PRIMA1: variants seen among roughly 807,000 people sequenced by gnomAD.
The protein encoded by PRIMA1 is proline-rich membrane anchor 1.
A neutral mutation model predicts 17.5 loss-of-function variants in PRIMA1; 7 were observed. The ratio of observed to expected loss-of-function variants is 0.40; its 90% CI spans 0.23 to 0.75. The LOEUF (loss-of-function observed/expected upper bound fraction) is 0.75, where lower values mean the gene tolerates loss of function less well. Among genes scored for constraint, PRIMA1 ranks in the 30% least tolerant of loss-of-function variants. The probability of loss-of-function intolerance (pLI) is 0.37; values close to 1 mark genes in which losing one functional copy is unlikely to be tolerated. For synonymous variants in PRIMA1, 97 were observed against 77.9 expected, an observed-to-expected ratio of 1.25 and a Z score of -1.29; for missense variants, 200 against 201.8, an observed-to-expected ratio of 0.99 and a Z score of 0.05.
At chr14:93,788,011 T>C (rs1339358742) in intron 1 of PRIMA1, among the ~76,000 whole-genome samples, 1 of 152,152 alleles carries the variant, frequency 6.6e-6, no homozygotes, top group Non-Finnish European at 1.5e-5. Flanking sequence ...ACTGCGTGCA[T>C]ACCTTGGCCC....
intron 3 of PRIMA1, among the ~76,000 whole-genome samples, chr14:93,771,325 G>A (rs1885061563): frequency 6.6e-6 from 1 of 152,170 alleles, no homozygotes; most frequent in Non-Finnish European, 1.5e-5. Context: ...GATGCTGGGT[G>A]ACTTCTTCAA....
chr14:93,728,027 C>T (rs1301049284), intron 4 of PRIMA1, among the ~76,000 whole-genome samples: 2 of 152,162 alleles, frequency 1.3e-5, no homozygotes, highest in Non-Finnish European at 2.9e-5. Context: ...TTCGGGGGCT[C>T]CTGAAGCAAA....
rs1336982540 is a variant in PRIMA1 at position 93,737,294 on chromosome 14, G to A, written c.306C>T (p.Ala102=). The A allele has an allele frequency of 2.5e-6, 4 of 1,614,190 alleles. No homozygotes were observed. The South Asian group carries it at 3.3e-5, about 13-fold the overall frequency. Residue 102 remains alanine, a synonymous_variant, in exon 4 of 5, where the codon GCC becomes GCT. Coordinates refer to ENST00000393140, the MANE Select transcript of PRIMA1 (RefSeq NM_178013.4). Reference sequence around the variant, plus strand: ...CAAGCACAGTCAGAAACACCAGGGAGGCACAGCATACGGCAATGATGATCA... The same window carrying A: ...CAAGCACAGTCAGAAACACCAGGGAAGCACAGCATACGGCAATGATGATCA... The part of the protein sequence containing the change: ...GLVIIIAVCC[A]SLVFLTVLVI...
chr14:93,758,983 G>A (rs912004527), intron 3 of PRIMA1, among the ~76,000 whole-genome samples: 1 of 152,142 alleles, frequency 6.6e-6, no homozygotes, highest in African/African-American at 2.4e-5. Context: ...GGTAGTAGGT[G>A]TTCAGTAAAT....
intron 3 of PRIMA1, among the ~76,000 whole-genome samples, chr14:93,741,426 C>T (rs558286354): frequency 1.3e-5 from 2 of 152,298 alleles, no homozygotes; most frequent in South Asian, 4.1e-4. Context: ...AGACAGCTTA[C>T]ATGTGTACAG....
intron 2 of PRIMA1, among the ~76,000 whole-genome samples, chr14:93,785,030 A>C (rs1277405662): frequency 6.6e-6 from 1 of 152,108 alleles, no homozygotes; most frequent in African/African-American, 2.4e-5. Flanking sequence ...ATAAGGCCAG[A>C]TAAGAGGCTG....
At chr14:93,737,006 C>T (rs375381960) in intron 4 of PRIMA1, among the ~76,000 whole-genome samples, 2 of 151,976 alleles carry the variant, frequency 1.3e-5, no homozygotes, top group East Asian at 1.9e-4. Context: ...TAAAATATTT[C>T]GGCAATGAAA....
At chr14:93,768,171 G>C (rs1326607952) in intron 3 of PRIMA1, among the ~76,000 whole-genome samples, 5 of 152,070 alleles carry the variant, frequency 3.3e-5, no homozygotes, top group African/African-American at 9.7e-5. Flanking sequence ...AGACACACGT[G>C]TCCCTTTTTC....
At chr14:93,739,929 G>A (rs1207459038) in intron 3 of PRIMA1, among the ~76,000 whole-genome samples, 1 of 152,036 alleles carries the variant, frequency 6.6e-6, no homozygotes, top group Non-Finnish European at 1.5e-5. Flanking sequence ...ATCTGGGCAT[G>A]GTGGCAGGCA....
intron 4 of PRIMA1, among the ~76,000 whole-genome samples, chr14:93,734,644 C>T (rs966568446): frequency 8.2e-6 from 1 of 122,554 alleles, no homozygotes; most frequent in Non-Finnish European, 1.8e-5. Context: ...CCATCCATGC[C>T]CCAGAGGAGC....
intron 3 of PRIMA1, among the ~76,000 whole-genome samples, chr14:93,771,154 G>A (rs541714827): frequency 6.6e-6 from 1 of 151,944 alleles, no homozygotes; most frequent in East Asian, 1.9e-4. Flanking sequence ...GTGTGTGTGC[G>A]CATGTATGTG....
At chr14:93,781,930 G>A (rs1174422493) in intron 2 of PRIMA1, among the ~76,000 whole-genome samples, 1 of 151,982 alleles carries the variant, frequency 6.6e-6, no homozygotes, top group Non-Finnish European at 1.5e-5. Context: ...CCAAGATCAT[G>A]CCACTGCACT....
In PRIMA1 at chr14:93,764,671, A is replaced by G. The variant is rs141876915; in HGVS notation, c.229+14505T>C. ...TATGTTATTTAGGTCTCCCCATGAT[A>G]GGAGAACACTTGCTGAAATGCTGAT... On this transcript the variant is annotated intron_variant, in intron 3 of 4. Transcript: ENST00000393140. Among the ~76,000 whole-genome samples the G allele has an allele frequency of 2.7e-3, 406 of 152,314 alleles. 4 individuals are homozygous for G. Among genetic ancestry groups the G allele is most frequent in the African/African-American group, 9.2e-3 (382 of 41,570 alleles).
intron 3 of PRIMA1, among the ~76,000 whole-genome samples, chr14:93,740,092 T>C (rs1444020862): frequency 6.6e-6 from 1 of 150,482 alleles, no homozygotes; most frequent in Non-Finnish European, 1.5e-5. Flanking sequence ...TAAAATAAAA[T>C]AAAAAGAAAG....
rs549246376 is a variant in PRIMA1, at chr14:93,762,085, G to A, written c.229+17091C>T. Among the ~76,000 whole-genome samples, 13 of 152,264 alleles carry A rather than the reference G, an allele frequency of 8.5e-5. No homozygotes were observed. The South Asian group carries it at 1.7e-3, about 19-fold the overall frequency. On this transcript the variant is annotated intron_variant, in intron 3 of 4. Transcript: ENST00000393140. ...CCTTGCCCTGGGCCAGGGCCTGGGC[G>A]GTAATGTGGAAGCCCAGGAGGCAGC...
At chr14:93,747,403 AAG>A (rs1441279978) in intron 3 of PRIMA1, among the ~76,000 whole-genome samples, 1 of 152,174 alleles carries the variant, frequency 6.6e-6, no homozygotes, top group African/African-American at 2.4e-5. Flanking sequence ...CGGGGAGTCA[AAG>A]AGAGAATGAG....
At chr14:93,746,077 G>A (rs537828153) in intron 3 of PRIMA1, among the ~76,000 whole-genome samples, 3 of 152,154 alleles carry the variant, frequency 2.0e-5, no homozygotes, top group Admixed American at 1.3e-4. Flanking sequence ...TGGGAGAGGC[G>A]GGCTCAGCCT....
At position 93,747,571 on chromosome 14, in the gene PRIMA1, AGTGT is replaced by A. The variant is rs1276316766; in HGVS notation, c.230-10205_230-10202del. 2.7e-5 allele frequency among the ~76,000 whole-genome samples: 4 copies of A among 148,550 alleles called. No individual in the cohort carries two copies. In the South Asian group the frequency reaches 6.5e-4, roughly 24 times the overall value. On this transcript the variant is annotated intron_variant, in intron 3 of 4. Coordinates refer to ENST00000393140, the MANE Select transcript of PRIMA1 (RefSeq NM_178013.4). ...GTGTGTGAGAGTGTGAGTGTGGGGG[AGTGT>A]GTGAGTGCATGGGAGTATTGTGTAT...
chr14:93,737,007 G>A (rs2076153859), intron 4 of PRIMA1, among the ~76,000 whole-genome samples: 3 of 152,046 alleles, frequency 2.0e-5, no homozygotes, highest in African/African-American at 4.8e-5. Context: ...AAAATATTTC[G>A]GCAATGAAAA....
Sources: allele counts gnomAD v4.1 joint callset (sites outside exome capture counted in the v4.1 genomes callset), GRCh38; gene constraint gnomAD v4.1.1; transcripts MANE v1.5; gene names NCBI Gene and HGNC (gene_info 2026-07-23, HGNC 2026-07-21).